RBM19: variants seen among roughly 807,000 people sequenced by gnomAD.
RBM19 encodes the protein probable RNA-binding protein 19.
Under a neutral mutation model 116.8 loss-of-function variants are expected in RBM19, and 94 were observed. The ratio of observed to expected loss-of-function variants is 0.80; its 90% CI spans 0.68 to 0.95. RBM19 has a LOEUF of 0.95. Among genes scored for constraint, RBM19 ranks in the 40% least tolerant of loss-of-function variants. The pLI is 0.00. For missense variants in RBM19, 1,161 were observed against 1,220.7 expected, an observed-to-expected ratio of 0.95 and a Z score of 0.73; for synonymous variants, 475 against 494.1, an observed-to-expected ratio of 0.96 and a Z score of 0.51.
intron 23 of RBM19, among the ~76,000 whole-genome samples, chr12:113,838,211 G>A (rs1876133512): frequency 6.6e-6 from 1 of 152,260 alleles, no homozygotes; most frequent in Admixed American, 6.5e-5. Flanking sequence ...TGGGACCACT[G>A]AGACTTGCCA....
At chr12:113,821,844 C>T (rs1372327831), downstream of RBM19, among the ~76,000 whole-genome samples, 2 of 152,176 alleles carry the variant, frequency 1.3e-5, no homozygotes, top group African/African-American at 4.8e-5. Context: ...GGTGCCTGCC[C>T]TAGAGGACAC....
At position 113,823,214 on chromosome 12, in the gene RBM19, C is replaced by A. The variant is rs533908630; in HGVS notation, c.*10G>T. 2 of 1,607,310 alleles carry A rather than the reference C, an allele frequency of 1.2e-6. No individual in the cohort carries two copies. The highest frequency in any genetic ancestry group is 2.2e-5 in the South Asian group (2 of 91,024). ...AGGGCCCCGGAGCCACACACCCTCT[C>A]GGTGCCAGCTCACAGCTGAAGGGTC... On this transcript the variant is annotated 3_prime_UTR_variant, in exon 24 of 24. Coordinates refer to ENST00000261741, the MANE Select transcript of RBM19 (RefSeq NM_016196.4).
intron 2 of RBM19, among the ~76,000 whole-genome samples, chr12:113,961,469 G>A (rs773730444): frequency 8.5e-5 from 13 of 152,224 alleles, no homozygotes; most frequent in South Asian, 2.1e-4. Flanking sequence ...CACTCATGGA[G>A]AGGAATGATT....
chr12:113,929,847 AC>A (rs1345744546), intron 16 of RBM19, among the ~76,000 whole-genome samples: 1 of 152,174 alleles, frequency 6.6e-6, no homozygotes, highest in Non-Finnish European at 1.5e-5. Flanking sequence ...CTGCATCTGT[AC>A]CCGAAATCTC....
Position 113,960,092 on chromosome 12 carries a change from A to C in RBM19, c.306T>G (p.Pro102=), listed in dbSNP as rs1872357899. 6.2e-7 allele frequency: 1 copy of C among 1,614,000 alleles called. No individual in the cohort carries two copies. The highest frequency in any genetic ancestry group is 1.7e-5 in the Admixed American group (1 of 60,004). The change falls in exon 3 of 24, where the codon CCT becomes CCG. Residue 102 remains proline (P), a synonymous_variant. Coordinates refer to ENST00000261741, the MANE Select transcript of RBM19 (RefSeq NM_016196.4). ...TTTCTGGAGTAGTAGAGTCTTTTGG[A>C]GGCTGCTTGGGCTGGCTTGGTTTCT... is the stretch of plus-strand genomic sequence containing the variant. ...HAQKPSQPKQ[P]PKDSTTPEIK...
chr12:113,858,540 T>A (rs1363944364), intron 22 of RBM19, among the ~76,000 whole-genome samples: 4 of 152,164 alleles, frequency 2.6e-5, no homozygotes, highest in Non-Finnish European at 1.5e-5. Context: ...CATCCCCAGT[T>A]TATGTCCCAG....
At chr12:113,858,919 AG>A in intron 21 of RBM19, 23 bp from the exon 22 acceptor site, 1 of 1,609,376 alleles carries the variant, frequency 6.2e-7, no homozygotes, top group South Asian at 1.1e-5. Context: ...GGCAAGACAT[AG>A]GGGTTTAAGA....
intron 16 of RBM19, among the ~76,000 whole-genome samples, chr12:113,930,936 G>A (rs1869548166): frequency 6.6e-6 from 1 of 152,124 alleles, no homozygotes; most frequent in Non-Finnish European, 1.5e-5. Flanking sequence ...TGCTGTCTCT[G>A]CACCCTTACC....
chr12:113,823,301 AC>A lies in RBM19; in HGVS notation c.2805del (p.Ser936LeufsTer102). 1 of 1,612,944 alleles carries A rather than the reference AC, an allele frequency of 6.2e-7. No homozygotes were observed. The highest frequency in any genetic ancestry group is 1.3e-5 in the African/African-American group (1 of 74,946). On this transcript the variant is annotated frameshift_variant, in exon 24 of 24. Coordinates refer to ENST00000261741, the MANE Select transcript of RBM19 (RefSeq NM_016196.4). LOFTEE classifies it high-confidence loss of function. The part of the protein sequence containing the change: ...AHFHEPPKKK[R>X]SVVLDEILEQ... Reference sequence around the variant, plus strand: ...TCCAGGATCTCGTCCAACACCACAGACCGCTTTTTCTTCGGGGGCTCTGTGG... The same window carrying A: ...TCCAGGATCTCGTCCAACACCACAGACGCTTTTTCTTCGGGGGCTCTGTGG...
chr12:113,832,509 G>C (rs1302251311), intron 23 of RBM19, among the ~76,000 whole-genome samples: 1 of 152,288 alleles, frequency 6.6e-6, no homozygotes, highest in African/African-American at 2.4e-5. Flanking sequence ...TCATTTCAAA[G>C]AGGTCAGGGA....
intron 13 of RBM19, among the ~76,000 whole-genome samples, chr12:113,944,870 T>TAC (rs1566033818): frequency 2.5e-4 from 9 of 36,694 alleles, no homozygotes; most frequent in African/African-American, 9.6e-4. Flanking sequence ...TAAAAATGTA[T>TAC]ATATATATAC....
intron 17 of RBM19, among the ~76,000 whole-genome samples, chr12:113,925,492 G>A (rs548746355): frequency 6.6e-6 from 1 of 152,334 alleles, no homozygotes; most frequent in South Asian, 2.1e-4. Context: ...GGCACAGAAA[G>A]GCTGAAGGAC....
intron 21 of RBM19, among the ~76,000 whole-genome samples, chr12:113,869,298 A>G (rs1209062475): frequency 6.6e-6 from 1 of 152,160 alleles, no homozygotes; most frequent in Non-Finnish European, 1.5e-5. Flanking sequence ...TCTTATCCAC[A>G]TGGATAATTG....
chr12:113,921,265 C>G (rs1868535538), intron 18 of RBM19, among the ~76,000 whole-genome samples: 1 of 152,204 alleles, frequency 6.6e-6, no homozygotes, highest in Non-Finnish European at 1.5e-5. Flanking sequence ...GCAAAAATTT[C>G]ATCAGAAACT....
intron 21 of RBM19, among the ~76,000 whole-genome samples, chr12:113,894,741 C>T (rs1023696359): frequency 2.6e-5 from 4 of 152,228 alleles, no homozygotes; most frequent in African/African-American, 9.6e-5. Flanking sequence ...AAATCTACTT[C>T]TCCAAATGAA....
chr12:113,949,449 C>T (rs115418810), intron 9 of RBM19, among the ~76,000 whole-genome samples: 117 of 152,326 alleles, frequency 7.7e-4, no homozygotes, highest in African/African-American at 2.7e-3. Flanking sequence ...GCTATTATCA[C>T]TGTATCCTGC....
chr12:113,833,141 C>A (rs556582208), intron 23 of RBM19, among the ~76,000 whole-genome samples: 1 of 152,178 alleles, frequency 6.6e-6, no homozygotes, highest in Non-Finnish European at 1.5e-5. Context: ...CACCCCCGCC[C>A]AGCCACCTGT....
chr12:113,818,879 T>A (rs1173851912), downstream of RBM19, among the ~76,000 whole-genome samples: 4 of 152,082 alleles, frequency 2.6e-5, no homozygotes, highest in Non-Finnish European at 5.9e-5. Context: ...TGACCACCCA[T>A]CTCCCTCCTG....
At chr12:113,863,084 G>T (rs1451232904) in intron 21 of RBM19, among the ~76,000 whole-genome samples, 1 of 152,038 alleles carries the variant, frequency 6.6e-6, no homozygotes, top group Non-Finnish European at 1.5e-5. Context: ...GGAGGAGGGG[G>T]GAGGAGGTGG....
Sources: gnomAD v4.1 joint callset for allele counts (sites outside exome capture counted in the v4.1 genomes callset) on GRCh38, gnomAD v4.1.1 for gene constraint, MANE v1.5 for transcripts, NCBI Gene and HGNC (gene_info 2026-07-23, HGNC 2026-07-21) for gene names.